The following TACC2 variants were observed in gnomAD, a reference collection of about 807,000 sequenced individuals.
TACC2 encodes the protein transforming acidic coiled-coil containing protein 2.
In TACC2, 137 loss-of-function variants were observed where a neutral mutation model predicts 227.3. That is an observed-to-expected ratio of 0.60 (90% CI 0.52 to 0.69). The LOEUF (loss-of-function observed/expected upper bound fraction) is 0.69. Ranked by LOEUF, TACC2 falls within the 30% of genes least tolerant of loss-of-function variation. TACC2 has a pLI of 0.00. For synonymous variants in TACC2, 1,523 were observed against 1,487.5 expected (o/e 1.02, Z -0.55); for missense variants, 3,470 against 3,694.4 (o/e 0.94, Z 1.57).
intron 5 of TACC2, among the ~76,000 whole-genome samples, chr10:122,090,772 A>T (rs1051676477): frequency 3.3e-5 from 5 of 152,018 alleles, no homozygotes; most frequent in African/African-American, 4.8e-5. Context: ...ATTTTTAGAC[A>T]GGGTCTCACT....
chr10:122,254,156 T>C lies in TACC2; in HGVS notation c.*100T>C. 1.1e-6 allele frequency: 1 copy of C among 907,122 alleles called. No individual in the cohort carries two copies. The highest frequency in any genetic ancestry group is 1.9e-6 in the Non-Finnish European group (1 of 536,032). 56.2% of individuals were successfully genotyped at this position (907,122 alleles called of 1,614,324 possible). A position where few individuals can be genotyped will look rare whatever the true frequency, so the allele number is the denominator to read the frequency against. On this transcript the variant is annotated 3_prime_UTR_variant, in exon 23 of 23. Coordinates refer to ENST00000369005, the MANE Select transcript of TACC2 (RefSeq NM_206862.4). ...ATGGACAGGTTCTGTTTTCACTTTT[T>C]CGTATGCACTACTGTATTTCCTTTC...
chr10:122,241,842 G>C (rs2096002880), intron 18 of TACC2, 116 bp from the exon 19 acceptor site: 1 of 918,542 alleles, frequency 1.1e-6, no homozygotes, highest in East Asian at 2.4e-5. Context: ...TGACATTGAA[G>C]GTGACCCTGG....
chr10:122,205,776 G>C lies in TACC2; in HGVS notation c.5972-4621G>C, dbSNP rs2095084035. 6.6e-6 allele frequency among the ~76,000 whole-genome samples: 1 copy of C among 152,182 alleles called. No homozygotes were observed. Among genetic ancestry groups the C allele is most frequent in the South Asian group, 2.1e-4 (1 of 4,830 alleles). On this transcript the variant is annotated intron_variant, in intron 8 of 22. Coordinates refer to ENST00000369005, the MANE Select transcript of TACC2 (RefSeq NM_206862.4). The surrounding 1 kb of genome is among the most constrained non-coding windows in gnomAD (Gnocchi z 4.5). Reference sequence around the variant, plus strand: ...AGTGTCTCAGGTGTGTCTTAGGCTAGACAAATTTGGGAAATGTTGAATTCA... The same window carrying C: ...AGTGTCTCAGGTGTGTCTTAGGCTACACAAATTTGGGAAATGTTGAATTCA...
At chr10:122,202,564 T>TAGGTTATTCCCTGTTTTGGTC (rs1480780249) in intron 8 of TACC2, among the ~76,000 whole-genome samples, 2 of 148,444 alleles carry the variant, frequency 1.3e-5, no homozygotes, top group African/African-American at 5.0e-5. Context: ...TCCTCTCTGT[T>TAGGTTATTCCCTGTTTTGGTC]AGGTTATTCC....
At chr10:122,151,246 A>C (rs1221866792) in intron 7 of TACC2, among the ~76,000 whole-genome samples, 8 of 152,226 alleles carry the variant, frequency 5.3e-5, no homozygotes, top group Admixed American at 5.2e-4. Context: ...AGAGCTGAGA[A>C]CAAAAGACTC....
rs1012544518 is a variant in TACC2 at position 122,163,488 on chromosome 10, C to T, written c.5834+19782C>T. 4 of 864,734 alleles carry T rather than the reference C, an allele frequency of 4.6e-6. No individual in the cohort carries two copies. In the African/African-American group the frequency reaches 7.3e-5, roughly 16 times the overall value. The allele number at this position is 864,734 out of a possible 1,614,324, so 53.6% of individuals were successfully genotyped here. On this transcript the variant is annotated intron_variant, in intron 7 of 22. Coordinates refer to ENST00000369005, the MANE Select transcript of TACC2 (RefSeq NM_206862.4). ...AGGGAGGGTCTTCGCCTCCCCACCC[C>T]CAGCCCCGTTTCCGGAGCCCGCGAT...
chr10:122,100,701 C>G (rs535570105), intron 5 of TACC2, among the ~76,000 whole-genome samples: 3 of 152,298 alleles, frequency 2.0e-5, no homozygotes, highest in African/African-American at 7.2e-5. Context: ...GCTGGGATTA[C>G]AGGCATGAGC....
At position 122,210,785 on chromosome 10, in the gene TACC2, T is replaced by C. The variant is rs957496572; in HGVS notation, c.6360T>C (p.Ala2120=). The C allele has an allele frequency of 3.1e-6, 5 of 1,613,522 alleles. No homozygotes were observed. Among genetic ancestry groups the C allele is most frequent in the Non-Finnish European group, 4.2e-6 (5 of 1,179,990 alleles). ...PDAYSTGSSS[A]SSTLKRTKKP... ...CATATAGCACGGGTTCCAGCAGTGCTTCTAGTACCCTTAAGCGAACTAAAA... is the reference window on the plus strand; with the variant it reads ...CATATAGCACGGGTTCCAGCAGTGCCTCTAGTACCCTTAAGCGAACTAAAA... The change falls in exon 9 of 23, where the codon GCT becomes GCC. Residue 2120 remains alanine (A), a synonymous_variant. Coordinates refer to ENST00000369005, the MANE Select transcript of TACC2 (RefSeq NM_206862.4). This position sits in a 1 kb window ranked among gnomAD's most constrained non-coding sequence, Gnocchi z 4.6.
At chr10:122,167,668 C>A (rs768218742) in intron 7 of TACC2, among the ~76,000 whole-genome samples, 1 of 152,142 alleles carries the variant, frequency 6.6e-6, no homozygotes, top group East Asian at 1.9e-4. Context: ...TAGAGAAAAT[C>A]CGATGACTCT....
At chr10:122,192,166 G>T (rs1053346682) in intron 7 of TACC2, among the ~76,000 whole-genome samples, 2 of 152,228 alleles carry the variant, frequency 1.3e-5, no homozygotes, top group Admixed American at 6.5e-5. Flanking sequence ...CTCGTGGTCT[G>T]TGGTGGTCCC....
intron 2 of TACC2, among the ~76,000 whole-genome samples, chr10:122,024,412 T>C (rs969067669): frequency 6.6e-6 from 1 of 152,136 alleles, no homozygotes; most frequent in Admixed American, 6.5e-5. Context: ...CATTACTTAG[T>C]TTTCCTCAAG....
chr10:122,017,056 C>T (rs1956737773), intron 1 of TACC2, among the ~76,000 whole-genome samples: 1 of 146,628 alleles, frequency 6.8e-6, no homozygotes, highest in South Asian at 2.3e-4. Flanking sequence ...TCTCGAACGT[C>T]CAGCCTCCAG....
intron 22 of TACC2, among the ~76,000 whole-genome samples, chr10:122,250,161 G>A (rs938388472): frequency 6.6e-6 from 1 of 152,204 alleles, no homozygotes; most frequent in African/African-American, 2.4e-5. Flanking sequence ...TCCTCCTTTT[G>A]GATCTGGCAC....
At chr10:122,146,858 G>A (rs1159399686) in intron 7 of TACC2, among the ~76,000 whole-genome samples, 2 of 152,106 alleles carry the variant, frequency 1.3e-5, no homozygotes, top group Non-Finnish European at 2.9e-5. Context: ...TTCTGTAGGT[G>A]CCTCTTGGCT....
chr10:122,029,668 C>T (rs1244780014), intron 2 of TACC2, among the ~76,000 whole-genome samples: 1 of 152,094 alleles, frequency 6.6e-6, no homozygotes, highest in East Asian at 1.9e-4. Context: ...GGCACGCCTC[C>T]CAGTAATTTC....
chr10:122,249,448 C>G, intron 21 of TACC2, 96 bp from the exon 22 acceptor site: 1 of 1,526,516 alleles, frequency 6.6e-7, no homozygotes, highest in South Asian at 1.3e-5. Context: ...CAGCTGGGGC[C>G]AGACCAGGCC....
At chr10:122,107,974 C>T (rs958417651) in intron 5 of TACC2, among the ~76,000 whole-genome samples, 22 of 146,700 alleles carry the variant, frequency 1.5e-4, no homozygotes, top group Middle Eastern at 3.7e-3. Flanking sequence ...TCACTGCAAG[C>T]TCCGCCTCCT....
chr10:121,999,012 CT>C (rs201601074), intron 1 of TACC2, among the ~76,000 whole-genome samples: 11,131 of 141,930 alleles, frequency 0.078, 620 homozygotes, highest in East Asian at 0.29. Context: ...TTCTTTCTTT[CT>C]TTTTTTTTTT....
intron 7 of TACC2, among the ~76,000 whole-genome samples, chr10:122,170,738 G>T (rs1010031971): frequency 6.6e-5 from 10 of 152,056 alleles, no homozygotes; most frequent in African/African-American, 2.2e-4. Flanking sequence ...CCTTGCTAGC[G>T]CCTCCAGGCC....
Sources: gnomAD v4.1 joint callset for allele counts (sites outside exome capture counted in the v4.1 genomes callset) on GRCh38, gnomAD v4.1.1 for gene constraint, Gnocchi (gnomAD v3.1) non-coding constraint, MANE v1.5 for transcripts, NCBI Gene and HGNC (gene_info 2026-07-23, HGNC 2026-07-21) for gene names.